The following RYR3 variants were observed in gnomAD, a reference collection of about 807,000 sequenced individuals.
RYR3 encodes the protein ryanodine receptor 3, also known as brain ryanodine receptor-calcium release channel.
In RYR3, 207 loss-of-function variants were observed where a neutral mutation model predicts 584.3. That is an observed-to-expected ratio of 0.35 (90% CI 0.32 to 0.40). The LOEUF (loss-of-function observed/expected upper bound fraction) is 0.40, where lower values mean the gene tolerates loss of function less well. Ranked by LOEUF, RYR3 falls within the 10% of genes least tolerant of loss-of-function variation. The probability of loss-of-function intolerance (pLI) is 1.00; values close to 1 mark genes in which losing one functional copy is unlikely to be tolerated. For synonymous variants in RYR3, 2,416 were observed against 2,248.5 expected, an observed-to-expected ratio of 1.07 and a Z score of -2.11; for missense variants, 5,616 against 6,089.2, an observed-to-expected ratio of 0.92 and a Z score of 2.59.
At chr15:33,674,109 C>T (rs188060870) in intron 38 of RYR3, among the ~76,000 whole-genome samples, 1 of 152,328 alleles carries the variant, frequency 6.6e-6, no homozygotes, top group Admixed American at 6.5e-5. Context: ...CGTATGTTAC[C>T]TCTTGCCTAT....
At position 33,652,871 on chromosome 15, in the gene RYR3, C is replaced by T. The variant is rs61749016; in HGVS notation, c.4296C>T (p.Gly1432=). 1.6e-4 allele frequency: 253 copies of T among 1,610,364 alleles called. 2 individuals are homozygous for T. In the African/African-American group the frequency reaches 2.9e-3, roughly 19 times the overall value. Residue 1432 remains glycine (G), a synonymous_variant, in exon 32 of 104, where the codon GGC becomes GGT. Coordinates refer to ENST00000634891, the MANE Select transcript of RYR3 (RefSeq NM_001036.6). ...TCTCAGCCAATGGAAAGGAACTGGGCACCTGCTACCAGGTAAGGGCGGCTT... is the reference window on the plus strand; with the variant it reads ...TCTCAGCCAATGGAAAGGAACTGGGTACCTGCTACCAGGTAAGGGCGGCTT... ...LSFSANGKEL[G]TCYQVEPNTK... is the part of the protein sequence containing the mutation.
intron 70 of RYR3, among the ~76,000 whole-genome samples, chr15:33,808,744 T>C (rs1388468495): frequency 6.6e-6 from 1 of 152,222 alleles, no homozygotes; most frequent in Admixed American, 6.5e-5. Context: ...ACGCTCAGTC[T>C]GTGTGTGAAG....
intron 1 of RYR3, among the ~76,000 whole-genome samples, chr15:33,385,325 T>C (rs1229473367): frequency 6.6e-6 from 1 of 152,228 alleles, no homozygotes; most frequent in East Asian, 1.9e-4. Context: ...TGGAGAAATA[T>C]GTTCTCTTTG....
Position 33,865,200 on chromosome 15 carries a change from AAACAATATG to A in RYR3, c.14590_14598del (p.Gln4864_Glu4866del). On this transcript the variant is annotated inframe_deletion, in exon 104 of 104. Transcript: ENST00000634891. Reference sequence around the variant, plus strand: ...CTTCCCAGCCGGTGACTGCTTTCGTAAACAATATGAAGATCAGCTTGGATAAATCTGAAT... The same window carrying A: ...CTTCCCAGCCGGTGACTGCTTTCGTAAAGATCAGCTTGGATAAATCTGAAT... 1 of 1,613,584 alleles carries A rather than the reference AAACAATATG, an allele frequency of 6.2e-7. No homozygotes were observed. Among genetic ancestry groups the A allele is most frequent in the South Asian group, 1.1e-5 (1 of 91,044 alleles).
intron 18 of RYR3, among the ~76,000 whole-genome samples, chr15:33,608,775 C>T (rs1303845186): frequency 1.3e-5 from 2 of 152,200 alleles, no homozygotes; most frequent in Non-Finnish European, 1.5e-5. Context: ...CCAAAGGAAA[C>T]GTCTACGTTG....
At position 33,500,083 on chromosome 15, in the gene RYR3, G is replaced by A. The variant is rs565602671; in HGVS notation, c.172-3548G>A. On this transcript the variant is annotated intron_variant, in intron 2 of 103. Coordinates refer to ENST00000634891, the MANE Select transcript of RYR3 (RefSeq NM_001036.6). Reference sequence around the variant, plus strand: ...ATCTGTTCAAGAAGACTTGAGTTGGGTGCTTACTATTCTATGTACTTGGGA... The same window carrying A: ...ATCTGTTCAAGAAGACTTGAGTTGGATGCTTACTATTCTATGTACTTGGGA... Among the ~76,000 whole-genome samples, 5 of 152,198 alleles carry A rather than the reference G, an allele frequency of 3.3e-5. No homozygotes were observed. The South Asian group carries it at 1.0e-3, about 32-fold the overall frequency.
chr15:33,631,382 C>A, intron 23 of RYR3, 89 bp downstream of exon 23: 3 of 812,840 alleles, frequency 3.7e-6, no homozygotes, highest in East Asian at 2.7e-5. Context: ...CAGACAACAG[C>A]CCACATAGTT....
chr15:33,579,960 A>G lies in RYR3; in HGVS notation c.1269-16A>G, dbSNP rs1332142857. 3 of 1,600,110 alleles carry G rather than the reference A, an allele frequency of 1.9e-6. No homozygotes were observed. The highest frequency in any genetic ancestry group is 2.6e-6 in the Non-Finnish European group (3 of 1,171,774). ...GCTGGCCAGTGCCTAAACCATGTCA[A>G]TCTCATGGTTTTTAGCGGAAACAAT... On this transcript the variant is annotated splice_polypyrimidine_tract_variant and intron_variant, in intron 12 of 103. Transcript: ENST00000634891.
intron 67 of RYR3, among the ~76,000 whole-genome samples, chr15:33,796,557 G>A (rs1233942443): frequency 6.6e-6 from 1 of 152,156 alleles, no homozygotes; most frequent in African/African-American, 2.4e-5. Flanking sequence ...TTGGGTTGCT[G>A]CTGCTCTTTT....
In RYR3 at chr15:33,864,118, C is replaced by T; in HGVS notation, c.14466-20C>T. On this transcript the variant is annotated intron_variant, in intron 102 of 103. Coordinates refer to ENST00000634891, the MANE Select transcript of RYR3 (RefSeq NM_001036.6). ...TGGGTCTTGACCAGAGTATCTAATA[C>T]TATCTTTTCCTCGTTCCAGGTTCTT... 2 of 1,594,004 alleles carry T rather than the reference C, an allele frequency of 1.3e-6. No homozygotes were observed. The highest frequency in any genetic ancestry group is 1.4e-5 in the African/African-American group (1 of 71,974).
intron 1 of RYR3, among the ~76,000 whole-genome samples, chr15:33,333,470 A>G (rs961871324): frequency 2.6e-5 from 4 of 152,262 alleles, no homozygotes; most frequent in African/African-American, 9.6e-5. Flanking sequence ...ATAGATGCAG[A>G]AAAGGCTTTC....
chr15:33,821,613 C>G lies in RYR3; in HGVS notation c.10995+11C>G. On this transcript the variant is annotated intron_variant, in intron 80 of 103. Coordinates refer to ENST00000634891, the MANE Select transcript of RYR3 (RefSeq NM_001036.6). ...GCTGGTGTGCAACAGGTAACGGGAA[C>G]TTGCAGCGGCTGGGCAGGCTCCCGG... The G allele has an allele frequency of 6.2e-7, 1 of 1,613,368 alleles. No homozygotes were observed. The highest frequency in any genetic ancestry group is 1.1e-5 in the South Asian group (1 of 91,062).
chr15:33,670,363 A>G (rs941951985), intron 37 of RYR3, 56 bp from the exon 38 acceptor site: 51 of 1,585,132 alleles, frequency 3.2e-5, no homozygotes, highest in Non-Finnish European at 3.9e-5. Flanking sequence ...TCTTTGTGAC[A>G]CTATGATGGT....
intron 92 of RYR3, among the ~76,000 whole-genome samples, chr15:33,844,051 T>C (rs2078554097): frequency 6.6e-6 from 1 of 152,232 alleles, no homozygotes; most frequent in Admixed American, 6.5e-5. Flanking sequence ...TCTTGCATGC[T>C]GTAGGCATGT....
At chr15:33,696,136 T>C (rs1342467666) in intron 38 of RYR3, 82 bp from the exon 39 acceptor site, 11 of 1,343,886 alleles carry the variant, frequency 8.2e-6, no homozygotes, top group African/African-American at 2.9e-5. Context: ...ATGTGTCTTC[T>C]ATTTGCATGA....
intron 27 of RYR3, among the ~76,000 whole-genome samples, chr15:33,639,546 T>C (rs1407222268): frequency 1.3e-5 from 2 of 152,180 alleles, no homozygotes; most frequent in Non-Finnish European, 2.9e-5. Context: ...TCATGCATTG[T>C]AGCGCCTACC....
intron 48 of RYR3, among the ~76,000 whole-genome samples, chr15:33,734,961 G>A (rs1360502865): frequency 6.6e-6 from 1 of 152,058 alleles, no homozygotes; most frequent in East Asian, 1.9e-4. Context: ...GAAGTGCTGA[G>A]ATTACAGGCG....
At chr15:33,718,627 T>C (rs763365222) in intron 43 of RYR3, among the ~76,000 whole-genome samples, 1 of 152,090 alleles carries the variant, frequency 6.6e-6, no homozygotes, top group Non-Finnish European at 1.5e-5. Flanking sequence ...TTCCAGACAA[T>C]GGAACTTTAA....
chr15:33,591,122 C>A (rs189177783), intron 16 of RYR3, among the ~76,000 whole-genome samples: 304 of 152,248 alleles, frequency 2.0e-3, no homozygotes, highest in African/African-American at 6.8e-3. Flanking sequence ...TTCAATAGCT[C>A]CTCACTTCCT....
Sources: allele counts gnomAD v4.1 joint callset (sites outside exome capture counted in the v4.1 genomes callset), GRCh38; gene constraint gnomAD v4.1.1; transcripts MANE v1.5; gene names NCBI Gene and HGNC (gene_info 2026-07-23, HGNC 2026-07-21).